The following UNC13C variants were observed in gnomAD, a reference collection of about 807,000 sequenced individuals.
The protein encoded by UNC13C is unc-13 homolog C, also known as protein unc-13 homolog C.
Under a neutral mutation model 245.4 loss-of-function variants are expected in UNC13C, and 174 were observed. The observed-to-expected ratio is 0.71, with a 90% CI of 0.63 to 0.80. The LOEUF is 0.80. Ranked by LOEUF, UNC13C falls within the 30% of genes least tolerant of loss-of-function variation. The pLI is 0.00. For synonymous variants in UNC13C, 992 were observed against 895.1 expected, an observed-to-expected ratio of 1.11 and a Z score of -1.93; for missense variants, 2,829 against 2,602.9, an observed-to-expected ratio of 1.09 and a Z score of -1.89.
At chr15:54,046,995 A>G (rs1370868018) in intron 2 of UNC13C, among the ~76,000 whole-genome samples, 1 of 152,152 alleles carries the variant, frequency 6.6e-6, no homozygotes, top group Non-Finnish European at 1.5e-5. Flanking sequence ...GTAATTCCAT[A>G]TATACACATA....
intron 19 of UNC13C, among the ~76,000 whole-genome samples, chr15:54,415,867 C>A (rs1480086537): frequency 6.6e-5 from 10 of 152,134 alleles, no homozygotes; most frequent in Admixed American, 6.6e-4. Context: ...TCTGGAGAAG[C>A]ACCTACAGCA....
intron 4 of UNC13C, among the ~76,000 whole-genome samples, chr15:54,227,459 G>A (rs2035419803): frequency 6.6e-6 from 1 of 152,136 alleles, no homozygotes; most frequent in Non-Finnish European, 1.5e-5. Flanking sequence ...TTGTGCCAAG[G>A]GGCACCTGCC....
In UNC13C at chr15:54,435,882, G is replaced by GA. The variant is rs552921392; in HGVS notation, c.4933+20823dup. On this transcript the variant is annotated intron_variant, in intron 19 of 32. Transcript: ENST00000260323. ...ACAAGGAACTTAAATAAATGTACAA[G>GA]AAAAAAAACAAAACAAAACAAAAAT... Among the ~76,000 whole-genome samples the GA allele has an allele frequency of 1.6e-4, 24 of 150,806 alleles. No individual in the cohort carries two copies. In the Middle Eastern group the frequency reaches 0.017, roughly 108 times the overall value.
intron 2 of UNC13C, among the ~76,000 whole-genome samples, chr15:54,095,578 G>T (rs565277621): frequency 6.6e-6 from 1 of 152,286 alleles, no homozygotes; most frequent in South Asian, 2.1e-4. Context: ...GCTTCACCTG[G>T]TAGCTTGAAG....
chr15:54,193,899 C>G (rs1015523988), intron 4 of UNC13C, among the ~76,000 whole-genome samples: 3 of 152,088 alleles, frequency 2.0e-5, no homozygotes, highest in Non-Finnish European at 4.4e-5. Context: ...GAATTAACAC[C>G]TAGGTAATGA....
chr15:53,906,739 C>T, the UNC13C span, among the ~76,000 whole-genome samples: 40 of 152,142 alleles, frequency 2.6e-4, no homozygotes, highest in Non-Finnish European at 5.9e-5. Flanking sequence ...AGATACTACC[C>T]GAGATTGGGT....
chr15:53,962,121 G>A, the UNC13C span, among the ~76,000 whole-genome samples: 7 of 152,076 alleles, frequency 4.6e-5, no homozygotes, highest in African/African-American at 1.7e-4. Context: ...TTTAATCCAT[G>A]ACATTGATGA....
At chr15:53,921,769 C>A in the UNC13C span, among the ~76,000 whole-genome samples, 1 of 152,272 alleles carries the variant, frequency 6.6e-6, no homozygotes, top group South Asian at 2.1e-4. Context: ...GGCCACCTCA[C>A]ATTTATATAG....
At chr15:53,880,883 T>A in the UNC13C span, among the ~76,000 whole-genome samples, 1 of 152,146 alleles carries the variant, frequency 6.6e-6, no homozygotes, top group African/African-American at 2.4e-5. Context: ...GGATTTTTAA[T>A]GTTCATGAAT....
At chr15:54,610,683 T>C (rs950276014) in intron 30 of UNC13C, among the ~76,000 whole-genome samples, 1 of 152,200 alleles carries the variant, frequency 6.6e-6, no homozygotes, top group African/African-American at 2.4e-5. Context: ...TTACAACAAT[T>C]GAAATAGGTA....
rs140144562 is a variant in UNC13C at position 54,209,932 on chromosome 15, T to C, written c.3072-25098T>C. On this transcript the variant is annotated intron_variant, in intron 4 of 32. Coordinates refer to ENST00000260323, the MANE Select transcript of UNC13C (RefSeq NM_001080534.3). ...AAAAAGTATCTGGTAGATGTTAACA[T>C]ATTTTATTTAAGGTGTGTGTAAGAC... 5.5e-3 allele frequency among the ~76,000 whole-genome samples: 830 copies of C among 152,198 alleles called. 6 individuals are homozygous for C. Among genetic ancestry groups the C allele is most frequent in the African/African-American group, 0.019 (793 of 41,566 alleles).
At chr15:54,341,849 A>C (rs532881006) in intron 17 of UNC13C, among the ~76,000 whole-genome samples, 1 of 152,094 alleles carries the variant, frequency 6.6e-6, no homozygotes, top group East Asian at 1.9e-4. Context: ...GGTGGTGGGC[A>C]CCTGTAGTCC....
chr15:54,087,676 C>G (rs1899319637), intron 2 of UNC13C, among the ~76,000 whole-genome samples: 1 of 152,084 alleles, frequency 6.6e-6, no homozygotes, highest in Admixed American at 6.6e-5. Flanking sequence ...TGAGAGGGGC[C>G]TAGAGAACAG....
chr15:54,631,731 A>T (rs942769522), downstream of UNC13C: 1 of 152,244 alleles, frequency 6.6e-6, no homozygotes, highest in African/African-American at 2.4e-5. Flanking sequence ...AACATTAAAA[A>T]GATTTCATTC....
chr15:53,858,858 C>T, the UNC13C span, among the ~76,000 whole-genome samples: 1 of 152,072 alleles, frequency 6.6e-6, no homozygotes, highest in Non-Finnish European at 1.5e-5. Flanking sequence ...AATATTCATA[C>T]AGTAGTTGGA....
Position 54,310,360 on chromosome 15 carries a change from T to C in UNC13C, c.4268+9987T>C, listed in dbSNP as rs181300835. Among the ~76,000 whole-genome samples, 54 of 151,988 alleles carry C rather than the reference T, an allele frequency of 3.6e-4. 2 individuals are homozygous for C. Among genetic ancestry groups the C allele is most frequent in the Non-Finnish European group, 2.1e-4 (14 of 67,854 alleles). ...GGACATCTTGCCAAATTGAACCTCC[T>C]ATAGAAGCCCATTAGCTGAAAGCTC... On this transcript the variant is annotated intron_variant, in intron 13 of 32. Coordinates refer to ENST00000260323, the MANE Select transcript of UNC13C (RefSeq NM_001080534.3).
intron 2 of UNC13C, among the ~76,000 whole-genome samples, chr15:54,134,420 C>CTGTGTGTGTG (rs3985789): frequency 1.6e-5 from 2 of 127,458 alleles, no homozygotes; most frequent in African/African-American, 2.6e-5. Context: ...AAATAATCAT[C>CTGTGTGTGTG]TGTGTGTGTG....
At chr15:54,405,723 A>G (rs1205262163) in intron 18 of UNC13C, among the ~76,000 whole-genome samples, 5 of 152,088 alleles carry the variant, frequency 3.3e-5, no homozygotes, top group East Asian at 3.9e-4. Context: ...TTCTCCTTTC[A>G]TTTCCAGTAC....
chr15:53,935,655 C>T, the UNC13C span, among the ~76,000 whole-genome samples: 2 of 152,162 alleles, frequency 1.3e-5, no homozygotes, highest in Admixed American at 1.3e-4. Context: ...GTGGGCGACT[C>T]AACCCACAGA....
Sources: allele counts gnomAD v4.1 joint callset (sites outside exome capture counted in the v4.1 genomes callset), GRCh38; gene constraint gnomAD v4.1.1; transcripts MANE v1.5; gene names NCBI Gene and HGNC (gene_info 2026-07-23, HGNC 2026-07-21).